The following CFAP299 variants were observed in gnomAD, a reference collection of about 807,000 sequenced individuals.
The protein encoded by CFAP299 is cilia and flagella associated protein 299, also known as cilia- and flagella-associated protein 299.
In CFAP299, 21 loss-of-function variants were observed where a neutral mutation model predicts 27.0. The observed-to-expected ratio is 0.78, with a 90% CI of 0.55 to 1.12. CFAP299 has a LOEUF of 1.12. Ranked by LOEUF, CFAP299 falls within the 50% of genes most tolerant of loss-of-function variation. The probability of loss-of-function intolerance (pLI) is 0.00; values close to 1 mark genes in which losing one functional copy is unlikely to be tolerated. For synonymous variants in CFAP299, 104 were observed against 98.1 expected (o/e 1.06, Z -0.36); for missense variants, 310 against 276.6 (o/e 1.12, Z -0.86).
At chr4:80,351,283 AAAT>A (rs1192405275) in intron 1 of CFAP299, among the ~76,000 whole-genome samples, 1 of 152,188 alleles carries the variant, frequency 6.6e-6, no homozygotes, top group African/African-American at 2.4e-5. Context: ...ATTTAAAGAA[AAAT>A]AATGACATTG....
chr4:80,624,060 T>A (rs1738749306), intron 3 of CFAP299, among the ~76,000 whole-genome samples: 1 of 152,136 alleles, frequency 6.6e-6, no homozygotes, highest in African/African-American at 2.4e-5. Context: ...ACCTAGTTCT[T>A]CAAATATGCA....
At chr4:80,386,799 A>T in intron 2 of CFAP299, 4 of 1,068,966 alleles carry the variant, frequency 3.7e-6, no homozygotes, top group Non-Finnish European at 5.8e-6. Flanking sequence ...GTGTGCGTCG[A>T]TAAAGGGCAT....
chr4:80,843,459 T>G (rs1263447155), intron 3 of CFAP299, among the ~76,000 whole-genome samples: 1 of 152,176 alleles, frequency 6.6e-6, no homozygotes, highest in Non-Finnish European at 1.5e-5. Flanking sequence ...TGTGCCACAT[T>G]TTCATAATCC....
rs17005014 is a variant in CFAP299 at position 80,953,983 on chromosome 4, A to G, written c.606+9044A>G. On this transcript the variant is annotated intron_variant, in intron 5 of 5. Transcript: ENST00000358105. ...AGGGACCCATATGGCCTAGGGATAT[A>G]AGGATGGAGAGATTTGAGGAAGAGA... is the stretch of plus-strand genomic sequence containing the variant. Among the ~76,000 whole-genome samples the G allele has an allele frequency of 9.6e-3, 1,469 of 152,336 alleles. 21 individuals are homozygous for G. Among genetic ancestry groups the G allele is most frequent in the African/African-American group, 0.033 (1,384 of 41,572 alleles).
intron 4 of CFAP299, among the ~76,000 whole-genome samples, chr4:80,874,999 A>G (rs558103295): frequency 3.9e-5 from 6 of 152,352 alleles, no homozygotes; most frequent in African/African-American, 1.4e-4. Context: ...AAAATACATT[A>G]TTAAAATAAT....
At chr4:80,653,570 A>G (rs1443618831) in intron 3 of CFAP299, among the ~76,000 whole-genome samples, 1 of 152,090 alleles carries the variant, frequency 6.6e-6, no homozygotes, top group Admixed American at 6.6e-5. Flanking sequence ...CCAAACACAT[A>G]CCTCAGAGGG....
chr4:80,442,265 A>T, intron 2 of CFAP299, among the ~76,000 whole-genome samples: 1 of 152,230 alleles, frequency 6.6e-6, no homozygotes, highest in East Asian at 1.9e-4. Flanking sequence ...CATTCTTAGC[A>T]CCACATAGCA....
chr4:80,938,312 G>T (rs1480030005), intron 4 of CFAP299, among the ~76,000 whole-genome samples: 2 of 152,132 alleles, frequency 1.3e-5, no homozygotes, highest in Non-Finnish European at 2.9e-5. Flanking sequence ...GAAGGTTGTG[G>T]GTTTACCAGA....
intron 2 of CFAP299, among the ~76,000 whole-genome samples, chr4:80,434,992 G>C (rs1272517519): frequency 1.3e-5 from 2 of 152,204 alleles, no homozygotes; most frequent in African/African-American, 4.8e-5. Flanking sequence ...GATGAAGGTA[G>C]TCTAGAGTTA....
chr4:80,815,441 T>G (rs928066224), intron 3 of CFAP299, among the ~76,000 whole-genome samples: 1 of 151,922 alleles, frequency 6.6e-6, no homozygotes, highest in Admixed American at 6.6e-5. Context: ...TAATAAAAAA[T>G]TGTATACCAT....
intron 3 of CFAP299, among the ~76,000 whole-genome samples, chr4:80,628,840 G>A (rs1197992651): frequency 2.0e-5 from 3 of 152,052 alleles, no homozygotes; most frequent in South Asian, 2.1e-4. Flanking sequence ...CAAAATGTGC[G>A]GCAAAGGGAA....
At chr4:80,944,579 G>A (rs557260102) in intron 4 of CFAP299, among the ~76,000 whole-genome samples, 86 of 152,224 alleles carry the variant, frequency 5.6e-4, no homozygotes, top group South Asian at 1.0e-3. Context: ...GGTCTTAGAA[G>A]TGTCCAGAAA....
intron 2 of CFAP299, among the ~76,000 whole-genome samples, chr4:80,504,465 A>ATATATATATG (rs1731903051): frequency 1.7e-5 from 1 of 57,414 alleles, no homozygotes; most frequent in African/African-American, 8.4e-5. Flanking sequence ...AATCTCACAT[A>ATATATATATG]TATATATATA....
chr4:80,447,036 C>CTGCT (rs1480314612), intron 2 of CFAP299, among the ~76,000 whole-genome samples: 1 of 151,144 alleles, frequency 6.6e-6, no homozygotes. Flanking sequence ...TTTTTACCTA[C>CTGCT]TGCTTTTATA....
At chr4:80,890,766 G>A (rs1412590359) in intron 4 of CFAP299, among the ~76,000 whole-genome samples, 1 of 150,374 alleles carries the variant, frequency 6.7e-6, no homozygotes, top group Admixed American at 6.6e-5. Flanking sequence ...ACTGGTGTGA[G>A]ATGGTATCTC....
At chr4:80,691,270 T>G (rs1411792016) in intron 3 of CFAP299, among the ~76,000 whole-genome samples, 1 of 135,448 alleles carries the variant, frequency 7.4e-6, no homozygotes, top group African/African-American at 2.8e-5. Flanking sequence ...ATATCCTTGA[T>G]GAACATTGAT....
At chr4:80,937,362 G>T (rs1461211997) in intron 4 of CFAP299, among the ~76,000 whole-genome samples, 1 of 107,994 alleles carries the variant, frequency 9.3e-6, no homozygotes, top group East Asian at 3.0e-4. Context: ...TGTTTCCCAA[G>T]CTGGAGTACA....
At chr4:80,886,032 C>G (rs1372281240) in intron 4 of CFAP299, among the ~76,000 whole-genome samples, 1 of 152,084 alleles carries the variant, frequency 6.6e-6, no homozygotes, top group Non-Finnish European at 1.5e-5. Context: ...CAAAAGAGCC[C>G]TTGGGTTTTA....
intron 2 of CFAP299, among the ~76,000 whole-genome samples, chr4:80,518,354 CA>C (rs1402554653): frequency 6.6e-6 from 1 of 151,984 alleles, no homozygotes; most frequent in East Asian, 1.9e-4. Flanking sequence ...ATTCTATAGG[CA>C]AAAAGATCTG....
Sources: gnomAD v4.1 joint callset for allele counts (sites outside exome capture counted in the v4.1 genomes callset) on GRCh38, gnomAD v4.1.1 for gene constraint, MANE v1.5 for transcripts, NCBI Gene and HGNC (gene_info 2026-07-23, HGNC 2026-07-21) for gene names.